The following ROBO2 variants were observed in gnomAD, a reference collection of about 807,000 sequenced individuals.
The protein encoded by ROBO2 is roundabout guidance receptor 2.
ROBO2 carries 53 observed loss-of-function variants against 160.8 expected under a neutral mutation model. That is an observed-to-expected ratio of 0.33 (90% CI 0.26 to 0.41). The LOEUF (loss-of-function observed/expected upper bound fraction) is 0.41, where lower values mean the gene tolerates loss of function less well. ROBO2 is among the 10% of genes least tolerant of loss of function. ROBO2 has a pLI of 1.00. For synonymous variants in ROBO2, 664 were observed against 611.7 expected, an observed-to-expected ratio of 1.09 and a Z score of -1.26; for missense variants, 1,577 against 1,722.4, an observed-to-expected ratio of 0.92 and a Z score of 1.49.
At chr3:77,135,100 T>C (rs76307427) in intron 2 of ROBO2, among the ~76,000 whole-genome samples, 3,386 of 152,260 alleles carry the variant, frequency 0.022, 74 homozygotes, top group South Asian at 0.071. Context: ...GAAGCCCGTA[T>C]AAGAGGCTTG....
At chr3:76,721,434 G>A (rs2107719816) in intron 2 of ROBO2, among the ~76,000 whole-genome samples, 1 of 152,218 alleles carries the variant, frequency 6.6e-6, no homozygotes, top group East Asian at 1.9e-4. Flanking sequence ...AACTGTCGTT[G>A]TGATATATTA....
In ROBO2 at chr3:76,913,015, G is replaced by T. The variant is rs909761243; in HGVS notation, c.110-184999G>T. On this transcript the variant is annotated intron_variant, in intron 2 of 26. Transcript: ENST00000487694. ...CACAGATAACTTCTGAGTAACTCAA[G>T]CATAAACAGGAAAGAAATTTGATAG... Among the ~76,000 whole-genome samples the T allele has an allele frequency of 2.6e-5, 4 of 152,112 alleles. No homozygotes were observed. In the South Asian group the frequency reaches 8.3e-4, roughly 32 times the overall value.
intron 2 of ROBO2, among the ~76,000 whole-genome samples, chr3:76,899,303 G>T (rs550558612): frequency 2.7e-4 from 41 of 152,016 alleles, no homozygotes; most frequent in African/African-American, 9.6e-4. Context: ...AATCCACTTC[G>T]TATGTCAAAA....
chr3:76,897,866 T>C (rs905084923), intron 2 of ROBO2, among the ~76,000 whole-genome samples: 10 of 152,200 alleles, frequency 6.6e-5, no homozygotes, highest in African/African-American at 2.4e-4. Context: ...TGTATATTTA[T>C]GTACAGTTAA....
chr3:77,566,397 A>G (rs762870590), intron 12 of ROBO2, among the ~76,000 whole-genome samples: 5 of 152,102 alleles, frequency 3.3e-5, no homozygotes, highest in Non-Finnish European at 5.9e-5. Flanking sequence ...ACCTAGTCAT[A>G]TTTTACCTTC....
intron 6 of ROBO2, among the ~76,000 whole-genome samples, chr3:77,536,902 G>A (rs2092143010): frequency 6.6e-6 from 1 of 152,048 alleles, no homozygotes; most frequent in African/African-American, 2.4e-5. Flanking sequence ...TTATGTGCCT[G>A]CTTATGAGAT....
intron 12 of ROBO2, among the ~76,000 whole-genome samples, chr3:77,565,776 A>G (rs1009770084): frequency 5.9e-5 from 9 of 152,068 alleles, no homozygotes; most frequent in South Asian, 2.1e-4. Flanking sequence ...AAAGAACTCA[A>G]TTCTTTCGAC....
intron 2 of ROBO2, among the ~76,000 whole-genome samples, chr3:76,957,830 CAAAA>C (rs11298062): frequency 7.9e-6 from 1 of 125,914 alleles, no homozygotes; most frequent in Non-Finnish European, 1.7e-5. Flanking sequence ...GACTCTGTCT[CAAAA>C]AAAAAAAAAA....
At chr3:75,955,805 C>T (rs1408206175) in intron 2 of ROBO2, among the ~76,000 whole-genome samples, 2 of 151,566 alleles carry the variant, frequency 1.3e-5, no homozygotes, top group East Asian at 2.0e-4. Flanking sequence ...GAGTTTAAAG[C>T]ACAGATAGAC....
At chr3:76,561,362 A>C (rs1029567649) in intron 2 of ROBO2, among the ~76,000 whole-genome samples, 5 of 152,102 alleles carry the variant, frequency 3.3e-5, no homozygotes, top group African/African-American at 4.8e-5. Flanking sequence ...CAATGCAGAT[A>C]ATATTTTTCC....
intron 2 of ROBO2, among the ~76,000 whole-genome samples, chr3:76,758,606 C>A (rs564100289): frequency 6.6e-6 from 1 of 151,894 alleles, no homozygotes; most frequent in East Asian, 2.0e-4. Context: ...TTGAGGATTG[C>A]ACCAACCCAT....
At chr3:76,222,433 A>C (rs1704026220) in intron 2 of ROBO2, among the ~76,000 whole-genome samples, 1 of 152,206 alleles carries the variant, frequency 6.6e-6, no homozygotes, top group Non-Finnish European at 1.5e-5. Flanking sequence ...GACTAGGCTT[A>C]TACGTTGGCA....
intron 2 of ROBO2, among the ~76,000 whole-genome samples, chr3:77,252,163 A>C (rs1009898633): frequency 2.0e-5 from 3 of 152,158 alleles, no homozygotes; most frequent in South Asian, 2.1e-4. Context: ...CAGTCTTACG[A>C]CGTGAACATT....
intron 2 of ROBO2, among the ~76,000 whole-genome samples, chr3:77,190,072 T>C (rs2081683351): frequency 6.6e-6 from 1 of 151,990 alleles, no homozygotes; most frequent in Admixed American, 6.6e-5. Context: ...TTTGGGTTGA[T>C]TTAACATTGA....
chr3:76,340,716 G>C (rs974919731), intron 2 of ROBO2, among the ~76,000 whole-genome samples: 1 of 152,102 alleles, frequency 6.6e-6, no homozygotes, highest in Admixed American at 6.6e-5. Context: ...CATTGAAAAT[G>C]ATTCTTACCT....
chr3:77,169,173 C>G (rs541158179), intron 2 of ROBO2, among the ~76,000 whole-genome samples: 1 of 152,224 alleles, frequency 6.6e-6, no homozygotes, highest in African/African-American at 2.4e-5. Flanking sequence ...TTCTTATTTG[C>G]TGAGTGAATT....
intron 2 of ROBO2, among the ~76,000 whole-genome samples, chr3:76,371,433 A>G (rs2076094304): frequency 6.6e-6 from 1 of 151,852 alleles, no homozygotes; most frequent in African/African-American, 2.4e-5. Flanking sequence ...CTTAAAGATT[A>G]GCTGCATATC....
chr3:76,039,541 TA>T (rs1472170373), intron 2 of ROBO2, among the ~76,000 whole-genome samples: 1 of 152,050 alleles, frequency 6.6e-6, no homozygotes, highest in East Asian at 1.9e-4. Flanking sequence ...AAAGAAAATT[TA>T]AATTACCTTG....
At chr3:76,547,570 T>C (rs2108309426) in intron 2 of ROBO2, among the ~76,000 whole-genome samples, 1 of 152,220 alleles carries the variant, frequency 6.6e-6, no homozygotes, top group African/African-American at 2.4e-5. Flanking sequence ...TTATATTGTG[T>C]TTTTAAATTG....
Sources: allele counts gnomAD v4.1 joint callset (sites outside exome capture counted in the v4.1 genomes callset), GRCh38; gene constraint gnomAD v4.1.1; transcripts MANE v1.5; gene names NCBI Gene and HGNC (gene_info 2026-07-23, HGNC 2026-07-21).